Variants in HMGCL observed in about 807,000 individuals in gnomAD.
HMGCL encodes the protein hydroxymethylglutaryl-CoA lyase, mitochondrial.
HMGCL carries 26 observed loss-of-function variants against 37.3 expected under a neutral mutation model. That is an observed-to-expected ratio of 0.70 (90% CI 0.51 to 0.97). HMGCL has a LOEUF of 0.97. Ranked by LOEUF, HMGCL falls within the 50% of genes least tolerant of loss-of-function variation. HMGCL has a pLI of 0.00. For synonymous variants in HMGCL, 151 were observed against 148.0 expected (o/e 1.02, Z -0.15); for missense variants, 379 against 398.1 (o/e 0.95, Z 0.41).
intron 7 of HMGCL, chr1:23,807,054 A>G: frequency 1.9e-6 from 1 of 519,024 alleles, no homozygotes; most frequent in Non-Finnish European, 3.8e-6. Flanking sequence ...ATAAATTTTC[A>G]AAAAGGGGAT....
rs778584428 is a variant in HMGCL at position 23,810,815 on chromosome 1, G to A, written c.498-16C>T. 40 of 1,610,274 alleles carry A rather than the reference G, an allele frequency of 2.5e-5. No individual in the cohort carries two copies. Among genetic ancestry groups the A allele is most frequent in the Admixed American group, 3.3e-5 (2 of 59,974 alleles). On this transcript the variant is annotated splice_polypyrimidine_tract_variant and intron_variant, in intron 5 of 8. Coordinates refer to ENST00000374490, the MANE Select transcript of HMGCL (RefSeq NM_000191.3). ...GGAGACGTACCTGTGGGAAGACAGG[G>A]GAGGAATGAGGTCAGTGTCCTGAGC...
At chr1:23,810,275 T>C (rs1022508011) in intron 6 of HMGCL, 2 of 200,384 alleles carry the variant, frequency 1.0e-5, no homozygotes, top group Admixed American at 1.1e-4. Flanking sequence ...TAAAAGGGAA[T>C]AATAATACCA....
rs377362318 is a variant in HMGCL at position 23,823,131 on chromosome 1, G to A, written c.60+2225C>T. ...GAGGAGGTTGCAGTGAGCTGAGATC[G>A]TGCCATTGTACTCCAGCCTGGGGTA... On this transcript the variant is annotated intron_variant, in intron 1 of 8. Coordinates refer to ENST00000374490, the MANE Select transcript of HMGCL (RefSeq NM_000191.3). Among the ~76,000 whole-genome samples the A allele has an allele frequency of 2.9e-4, 42 of 142,996 alleles. No individual in the cohort carries two copies. In the East Asian group the frequency reaches 5.3e-3, roughly 18 times the overall value. The allele number at this position is 142,996 out of a possible 152,430, so 93.8% of individuals were successfully genotyped here.
intron 6 of HMGCL, among the ~76,000 whole-genome samples, chr1:23,808,565 C>T (rs980356512): frequency 6.6e-6 from 1 of 152,206 alleles, no homozygotes; most frequent in Non-Finnish European, 1.5e-5. Context: ...GAAGCTCCAA[C>T]CCCCGTGCTT....
At position 23,807,179 on chromosome 1, in the gene HMGCL, C is replaced by A. The variant is rs1172287789; in HGVS notation, c.750+956G>T. 6 of 519,056 alleles carry A rather than the reference C, an allele frequency of 1.2e-5. No individual in the cohort carries two copies. The Middle Eastern group carries it at 1.9e-3, about 165-fold the overall frequency. 32.2% of individuals were successfully genotyped at this position (519,056 alleles called of 1,614,324 possible). Reference sequence around the variant, plus strand: ...CTCAGCTGTGCAGAATTCCCCTTTACCTGCCTGGCAAGGCATAGGAGAGGA... The same window carrying A: ...CTCAGCTGTGCAGAATTCCCCTTTAACTGCCTGGCAAGGCATAGGAGAGGA... On this transcript the variant is annotated intron_variant, in intron 7 of 8. Transcript: ENST00000374490.
At chr1:23,814,407 G>A (rs1638577088) in intron 4 of HMGCL, 69 bp from the exon 5 acceptor site, 3 of 1,577,148 alleles carry the variant, frequency 1.9e-6, no homozygotes, top group Admixed American at 1.7e-5. Flanking sequence ...GTCTTGCTTT[G>A]TTGCCCAGGC....
intron 8 of HMGCL, chr1:23,803,957 C>T: frequency 5.8e-6 from 1 of 171,288 alleles, no homozygotes; most frequent in Admixed American, 5.7e-5. Context: ...CCCAGGGCCC[C>T]TTCCATGTTC....
At chr1:23,815,820 A>G (rs1309295240) in intron 4 of HMGCL, among the ~76,000 whole-genome samples, 5 of 151,968 alleles carry the variant, frequency 3.3e-5, no homozygotes, top group Admixed American at 3.3e-4. Flanking sequence ...CAGTAGCACT[A>G]GGAAACAAAC....
chr1:23,820,617 A>C (rs768159438), intron 1 of HMGCL, 24 bp from the exon 2 acceptor site: 1 of 1,542,300 alleles, frequency 6.5e-7, no homozygotes, highest in South Asian at 1.1e-5. Flanking sequence ...GAGGAAACAA[A>C]AAGTATGAGG....
At position 23,806,242 on chromosome 1, in the gene HMGCL, T is replaced by C. The variant is rs1348900815; in HGVS notation, c.751-1717A>G. On this transcript the variant is annotated intron_variant, in intron 7 of 8. Coordinates refer to ENST00000374490, the MANE Select transcript of HMGCL (RefSeq NM_000191.3). The surrounding 1 kb of genome is among the most constrained non-coding windows in gnomAD (Gnocchi z 4.0). ...TGCTGGGATTACAGGTGTGAGCCAC[T>C]GTGCCCAGCCGAGGAGCCTCTCAAA... Among the ~76,000 whole-genome samples, 3 of 152,182 alleles carry C rather than the reference T, an allele frequency of 2.0e-5. No individual in the cohort carries two copies. The highest frequency in any genetic ancestry group is 4.4e-5 in the Non-Finnish European group (3 of 68,032).
At position 23,802,547 on chromosome 1, in the gene HMGCL, C is replaced by A; in HGVS notation, c.894G>T (p.Lys298Asn). The A allele has an allele frequency of 6.2e-7, 1 of 1,613,514 alleles. No homozygotes were observed. Among genetic ancestry groups the A allele is most frequent in the Non-Finnish European group, 8.5e-7 (1 of 1,179,418 alleles). Residue 298 changes from lysine to asparagine, a missense_variant, in exon 9 of 9, where the codon AAG becomes AAT. Coordinates refer to ENST00000374490, the MANE Select transcript of HMGCL (RefSeq NM_000191.3). The stretch of plus-strand genomic sequence containing the variant: ...AGATAAAGTTTCCAGCTTCCAGAAG[C>A]TTCTGGAGATTCACACCCTTTGAGA... ...LGIHTGVNLQ[K>N]LLEAGNFICQ...
chr1:23,819,754 C>T lies in HMGCL; in HGVS notation c.144+756G>A, dbSNP rs149865115. 1.8e-4 allele frequency among the ~76,000 whole-genome samples: 27 copies of T among 150,192 alleles called. No homozygotes were observed. The East Asian group carries it at 4.6e-3, about 26-fold the overall frequency. ...CCAAAAACACACACACACACACGCG[C>T]GCGTGCGTACGCGCACATGCACTAT... On this transcript the variant is annotated intron_variant, in intron 2 of 8. Transcript: ENST00000374490.
intron 4 of HMGCL, among the ~76,000 whole-genome samples, chr1:23,815,785 G>T (rs755081535): frequency 6.6e-6 from 1 of 151,528 alleles, no homozygotes; most frequent in East Asian, 1.9e-4. Context: ...GTGAGCCACC[G>T]CGCCCGGCCT....
chr1:23,811,114 G>A (rs1252546680), intron 5 of HMGCL, among the ~76,000 whole-genome samples: 2 of 152,124 alleles, frequency 1.3e-5, no homozygotes, highest in Non-Finnish European at 2.9e-5. Context: ...GTTGTAAGGT[G>A]GGGAGATGGA....
At chr1:23,816,081 C>A (rs1638607958) in intron 4 of HMGCL, among the ~76,000 whole-genome samples, 1 of 131,024 alleles carries the variant, frequency 7.6e-6, no homozygotes, top group African/African-American at 2.7e-5. Context: ...TCACAGCCAG[C>A]TAATTGATTT....
intron 6 of HMGCL, 34 bp from the exon 7 acceptor site, chr1:23,808,357 A>G: frequency 6.4e-7 from 1 of 1,573,228 alleles, no homozygotes; most frequent in Non-Finnish European, 8.8e-7. Context: ...GAGGATACAG[A>G]ATCCACCAGC....
In HMGCL at chr1:23,821,284, G is replaced by A. The variant is rs146498686; in HGVS notation, c.61-691C>T. On this transcript the variant is annotated intron_variant, in intron 1 of 8. Coordinates refer to ENST00000374490, the MANE Select transcript of HMGCL (RefSeq NM_000191.3). ...AGGCAGGAGAATTGCTTGAACCAGG[G>A]AGGTGGAAGTTGCAATGAGCCAAGA... is the stretch of plus-strand genomic sequence containing the variant. 4.3e-3 allele frequency among the ~76,000 whole-genome samples: 646 copies of A among 151,438 alleles called. 6 individuals carry two copies. The highest frequency in any genetic ancestry group is 0.015 in the African/African-American group (615 of 41,232).
intron 6 of HMGCL, chr1:23,809,231 TA>T (rs1638471245): frequency 1.3e-5 from 1 of 76,584 alleles, no homozygotes; most frequent in Admixed American, 1.6e-4. Flanking sequence ...TATATATATA[TA>T]TATATATTTT....
intron 6 of HMGCL, 107 bp from the exon 7 acceptor site, chr1:23,808,430 G>A (rs1200745794): frequency 1.9e-5 from 17 of 878,654 alleles, no homozygotes; most frequent in Admixed American, 3.4e-5. Flanking sequence ...TGGGTATGAC[G>A]CACTCAGTTC....
Sources: gnomAD v4.1 joint callset for allele counts (sites outside exome capture counted in the v4.1 genomes callset) on GRCh38, gnomAD v4.1.1 for gene constraint, Gnocchi (gnomAD v3.1) non-coding constraint, MANE v1.5 for transcripts, NCBI Gene and HGNC (gene_info 2026-07-23, HGNC 2026-07-21) for gene names.